NBAS: variants seen among roughly 807,000 people sequenced by gnomAD.
NBAS encodes the protein NAG/BC035112 fusion.
In NBAS, 219 loss-of-function variants were observed where a neutral mutation model predicts 302.5. The ratio of observed to expected loss-of-function variants is 0.72; its 90% CI spans 0.65 to 0.81. The LOEUF (loss-of-function observed/expected upper bound fraction) is 0.81. Ranked by LOEUF, NBAS falls within the 30% of genes least tolerant of loss-of-function variation. The probability of loss-of-function intolerance (pLI) is 0.00; values close to 1 mark genes in which losing one functional copy is unlikely to be tolerated. For synonymous variants in NBAS, 1,118 were observed against 1,021.6 expected (o/e 1.09, Z -1.80); for missense variants, 2,932 against 2,841.6 (o/e 1.03, Z -0.72).
chr2:15,093,711 C>A, the NBAS span, among the ~76,000 whole-genome samples: 1 of 149,712 alleles, frequency 6.7e-6, no homozygotes, highest in African/African-American at 2.5e-5. Context: ...AATAATGTTA[C>A]AACCAAAGGT....
At chr2:15,156,948 C>A in the NBAS span, among the ~76,000 whole-genome samples, 1 of 152,170 alleles carries the variant, frequency 6.6e-6, no homozygotes, top group Non-Finnish European at 1.5e-5. Flanking sequence ...CAGAGAAAGC[C>A]ATAGGCATCC....
chr2:14,862,738 T>C, the NBAS span, among the ~76,000 whole-genome samples: 1 of 152,200 alleles, frequency 6.6e-6, no homozygotes, highest in East Asian at 1.9e-4. Flanking sequence ...TTTAAGGTAA[T>C]GTTAGATGCT....
At chr2:14,798,646 T>C in the NBAS span, among the ~76,000 whole-genome samples, 3 of 152,144 alleles carry the variant, frequency 2.0e-5, no homozygotes, top group Non-Finnish European at 4.4e-5. Flanking sequence ...TTGCGTAGAA[T>C]TGATATTATT....
At chr2:14,847,698 C>G in the NBAS span, among the ~76,000 whole-genome samples, 2 of 152,088 alleles carry the variant, frequency 1.3e-5, no homozygotes, top group African/African-American at 4.8e-5. Context: ...GACTTCAACA[C>G]CCCACTTTCA....
chr2:15,284,827 C>A (rs1458864876), intron 42 of NBAS, among the ~76,000 whole-genome samples: 1 of 152,190 alleles, frequency 6.6e-6, no homozygotes, highest in East Asian at 1.9e-4. Context: ...ATATTAAATG[C>A]TTTGCCACTC....
chr2:15,209,922 T>A (rs1282963859), intron 48 of NBAS, among the ~76,000 whole-genome samples: 1 of 152,162 alleles, frequency 6.6e-6, no homozygotes, highest in Admixed American at 6.5e-5. Context: ...GATATCCATA[T>A]GCAAAAGAAT....
At chr2:15,367,092 T>C (rs1674248100) in intron 31 of NBAS, among the ~76,000 whole-genome samples, 1 of 152,168 alleles carries the variant, frequency 6.6e-6, no homozygotes. Flanking sequence ...CATTCCTTGC[T>C]CTAAATATAC....
chr2:15,272,931 T>A (rs998790045), intron 44 of NBAS, among the ~76,000 whole-genome samples: 16 of 152,210 alleles, frequency 1.1e-4, no homozygotes, highest in Non-Finnish European at 1.8e-4. Context: ...TAAAATCACC[T>A]AACTTAAAGC....
the NBAS span, among the ~76,000 whole-genome samples, chr2:15,004,599 C>T: frequency 2.0e-5 from 3 of 151,648 alleles, no homozygotes; most frequent in East Asian, 3.9e-4. Flanking sequence ...CCACCAGGCT[C>T]ATGTCATCCT....
the NBAS span, among the ~76,000 whole-genome samples, chr2:15,154,026 A>G: frequency 1.3e-5 from 2 of 152,248 alleles, no homozygotes; most frequent in Non-Finnish European, 2.9e-5. Context: ...ATAGAAATAA[A>G]GGGCTGTGAA....
chr2:15,323,212 C>T (rs544232514), intron 38 of NBAS, among the ~76,000 whole-genome samples: 9 of 152,300 alleles, frequency 5.9e-5, no homozygotes, highest in South Asian at 2.1e-4. Flanking sequence ...TAAGAGCATA[C>T]GCTCAGTTCA....
intron 44 of NBAS, among the ~76,000 whole-genome samples, chr2:15,273,767 C>T (rs867767691): frequency 6.6e-6 from 1 of 152,060 alleles, no homozygotes; most frequent in African/African-American, 2.4e-5. Context: ...ATACATTATG[C>T]TCTTGTCTTT....
the NBAS span, among the ~76,000 whole-genome samples, chr2:15,033,736 C>G: frequency 6.6e-6 from 1 of 152,030 alleles, no homozygotes; most frequent in African/African-American, 2.4e-5. Context: ...GGGAAGATTG[C>G]TTGAGCCCAG....
At chr2:14,878,608 A>G in the NBAS span, among the ~76,000 whole-genome samples, 2 of 152,178 alleles carry the variant, frequency 1.3e-5, no homozygotes, top group Non-Finnish European at 2.9e-5. Context: ...GATATCCTCT[A>G]TGTACTCACT....
chr2:15,193,341 A>T (rs923327009), intron 48 of NBAS, among the ~76,000 whole-genome samples: 2 of 152,194 alleles, frequency 1.3e-5, no homozygotes, highest in Non-Finnish European at 2.9e-5. Flanking sequence ...CAAGTTACTC[A>T]GCTCTTAAGA....
At chr2:14,835,632 G>A in the NBAS span, among the ~76,000 whole-genome samples, 1 of 151,852 alleles carries the variant, frequency 6.6e-6, no homozygotes. Flanking sequence ...CCGGTGTCTT[G>A]TGTTCAATGT....
the NBAS span, among the ~76,000 whole-genome samples, chr2:14,780,392 G>A: frequency 6.6e-6 from 1 of 152,216 alleles, no homozygotes; most frequent in Non-Finnish European, 1.5e-5. Context: ...CTGCATTCCT[G>A]CAGGAAATGA....
At chr2:15,282,911 TC>T (rs1455580901) in intron 42 of NBAS, among the ~76,000 whole-genome samples, 1 of 152,120 alleles carries the variant, frequency 6.6e-6, no homozygotes, top group Non-Finnish European at 1.5e-5. Flanking sequence ...TGCCCTTTCT[TC>T]CATTCCTCTT....
intron 9 of NBAS, among the ~76,000 whole-genome samples, chr2:15,512,797 C>A (rs972649110): frequency 3.9e-5 from 6 of 152,124 alleles, no homozygotes; most frequent in African/African-American, 1.4e-4. Flanking sequence ...GATTTTAGCC[C>A]AGTGAGACCC....
Sources: allele counts gnomAD v4.1 joint callset (sites outside exome capture counted in the v4.1 genomes callset), GRCh38; gene constraint gnomAD v4.1.1; transcripts MANE v1.5; gene names NCBI Gene and HGNC (gene_info 2026-07-23, HGNC 2026-07-21).